Variants in EYA1 observed in about 807,000 individuals in gnomAD.
EYA1 encodes the protein protein phosphatase EYA1.
EYA1 carries 16 observed loss-of-function variants against 82.0 expected under a neutral mutation model. The ratio of observed to expected loss-of-function variants is 0.20; its 90% CI spans 0.13 to 0.30. The LOEUF is 0.30. Among genes scored for constraint, EYA1 ranks in the 10% least tolerant of loss-of-function variants. EYA1 has a pLI of 1.00. For synonymous variants in EYA1, 261 were observed against 264.4 expected (o/e 0.99, Z 0.12); for missense variants, 633 against 730.7 (o/e 0.87, Z 1.54).
intron 12 of EYA1, among the ~76,000 whole-genome samples, chr8:71,225,993 C>A (rs894851807): frequency 5.3e-5 from 8 of 152,116 alleles, no homozygotes; most frequent in African/African-American, 1.4e-4. Context: ...CTATTTTGAT[C>A]TGATTCTATT....
intron 12 of EYA1, among the ~76,000 whole-genome samples, chr8:71,236,458 C>T (rs1811848055): frequency 6.6e-6 from 1 of 152,136 alleles, no homozygotes; most frequent in African/African-American, 2.4e-5. Context: ...TCCCTATATA[C>T]AATAAATTGT....
chr8:71,381,106 C>T (rs961505654), intron 2 of EYA1, among the ~76,000 whole-genome samples: 1 of 152,194 alleles, frequency 6.6e-6, no homozygotes, highest in Non-Finnish European at 1.5e-5. Context: ...AGCTCGAATC[C>T]ATAAAGCAGC....
At chr8:71,369,032 C>CAAAAAAAAAA (rs60647486) in intron 2 of EYA1, among the ~76,000 whole-genome samples, 243 of 112,288 alleles carry the variant, frequency 2.2e-3, no homozygotes, top group African/African-American at 2.9e-3. Flanking sequence ...ACTAAAAATA[C>CAAAAAAAAAA]AAAAAAAAAA....
At chr8:71,346,873 AT>A (rs1825798041) in intron 3 of EYA1, among the ~76,000 whole-genome samples, 1 of 152,196 alleles carries the variant, frequency 6.6e-6, no homozygotes, top group Non-Finnish European at 1.5e-5. Context: ...ATAATCATTC[AT>A]GTATATTATA....
At chr8:71,251,399 C>T (rs1303603287) in intron 11 of EYA1, among the ~76,000 whole-genome samples, 1 of 152,148 alleles carries the variant, frequency 6.6e-6, no homozygotes, top group Non-Finnish European at 1.5e-5. Context: ...CCAAACAAAA[C>T]TCAATACACA....
intron 2 of EYA1, among the ~76,000 whole-genome samples, chr8:71,419,613 A>T (rs4515588): frequency 0.22 from 33,970 of 152,070 alleles, 4,286 homozygotes; most frequent in Middle Eastern, 0.33. Flanking sequence ...AAACTGGAAG[A>T]TGGTTACCTA....
intron 4 of EYA1, 137 bp downstream of exon 4, chr8:71,333,960 T>C (rs1280165717): frequency 4.5e-6 from 3 of 665,640 alleles, no homozygotes; most frequent in Non-Finnish European, 8.1e-6. Flanking sequence ...CTATTTTATA[T>C]GTATATATAC....
chr8:71,386,065 C>G (rs143264994), intron 2 of EYA1, among the ~76,000 whole-genome samples: 6 of 152,232 alleles, frequency 3.9e-5, no homozygotes, highest in African/African-American at 1.4e-4. Flanking sequence ...ATTACTTTCA[C>G]GCCACTTAGG....
Position 71,317,590 on chromosome 8 carries a change from G to A in EYA1, c.518C>T (p.Pro173Leu), listed in dbSNP as rs766767570. The change falls in exon 7 of 18, where the codon CCT (proline) becomes CTT (leucine). Residue 173 changes from proline (P) to leucine (L), a missense_variant. Transcript: ENST00000340726. The part of the protein sequence containing the change: ...FLSYGTSFST[P>L]QPGQAPYSYQ... Reference sequence around the variant, plus strand: ...GCTGTATGGTGCCTGTCCAGGTTGAGGGGTACTGAAGCTTGTGCCATAGCT... The same window carrying A: ...GCTGTATGGTGCCTGTCCAGGTTGAAGGGTACTGAAGCTTGTGCCATAGCT... 3 of 1,614,008 alleles carry A rather than the reference G, an allele frequency of 1.9e-6. No homozygotes were observed. The highest frequency in any genetic ancestry group is 1.1e-5 in the South Asian group (1 of 91,088).
At chr8:71,499,378 G>A (rs1811652518) in intron 2 of EYA1, among the ~76,000 whole-genome samples, 1 of 152,168 alleles carries the variant, frequency 6.6e-6, no homozygotes, top group Non-Finnish European at 1.5e-5. Flanking sequence ...ATTTATGCCT[G>A]TGAAGTAGTA....
At chr8:71,406,274 T>C (rs371815867) in intron 2 of EYA1, among the ~76,000 whole-genome samples, 33 of 152,196 alleles carry the variant, frequency 2.2e-4, no homozygotes, top group Admixed American at 2.0e-3. Flanking sequence ...TATAAAGCAA[T>C]TTATGAATTC....
chr8:71,431,033 A>G (rs1412266003), intron 2 of EYA1, among the ~76,000 whole-genome samples: 1 of 152,170 alleles, frequency 6.6e-6, no homozygotes, highest in African/African-American at 2.4e-5. Flanking sequence ...GGGATTTTTT[A>G]GTCTATGTTT....
At chr8:71,340,734 C>T (rs903071226) in intron 3 of EYA1, among the ~76,000 whole-genome samples, 4 of 152,024 alleles carry the variant, frequency 2.6e-5, no homozygotes, top group African/African-American at 4.8e-5. Context: ...TAATAAACTG[C>T]TTCATGACCT....
chr8:71,540,832 G>A (rs1815080708), intron 1 of EYA1, among the ~76,000 whole-genome samples: 1 of 152,100 alleles, frequency 6.6e-6, no homozygotes, highest in Non-Finnish European at 1.5e-5. Flanking sequence ...ACATTCCTGA[G>A]AAGCAGAAGG....
At chr8:71,376,709 T>TAAAC (rs972068523) in intron 2 of EYA1, among the ~76,000 whole-genome samples, 5 of 152,166 alleles carry the variant, frequency 3.3e-5, no homozygotes, top group African/African-American at 1.2e-4. Context: ...TCTCTCCGCG[T>TAAAC]AAACAAGAAA....
chr8:71,327,658 C>T (rs185970411), intron 4 of EYA1, among the ~76,000 whole-genome samples: 52 of 152,188 alleles, frequency 3.4e-4, no homozygotes, highest in Admixed American at 5.9e-4. Flanking sequence ...ACTCTCCCCA[C>T]GCCAAGATCC....
intron 17 of EYA1, among the ~76,000 whole-genome samples, chr8:71,202,697 C>A (rs889436921): frequency 2.0e-5 from 3 of 152,144 alleles, no homozygotes; most frequent in African/African-American, 7.2e-5. Context: ...CTGGTAGATT[C>A]TGGGGACACT....
intron 2 of EYA1, among the ~76,000 whole-genome samples, chr8:71,472,426 G>C (rs933621152): frequency 6.6e-6 from 1 of 151,824 alleles, no homozygotes; most frequent in Non-Finnish European, 1.5e-5. Flanking sequence ...TGCTGTTTTG[G>C]GTTGTTTTAA....
At chr8:71,466,815 A>G (rs1016204692) in intron 2 of EYA1, among the ~76,000 whole-genome samples, 58 of 152,252 alleles carry the variant, frequency 3.8e-4, no homozygotes, top group African/African-American at 1.4e-3. Flanking sequence ...CCTGAAAGTT[A>G]GGATCTAGGA....
Sources: allele counts gnomAD v4.1 joint callset (sites outside exome capture counted in the v4.1 genomes callset), GRCh38; gene constraint gnomAD v4.1.1; transcripts MANE v1.5; gene names NCBI Gene and HGNC (gene_info 2026-07-23, HGNC 2026-07-21).